The following GRM7 variants were observed in gnomAD, a reference collection of about 807,000 sequenced individuals.
GRM7 encodes glutamate metabotropic receptor 7.
GRM7 carries 35 observed loss-of-function variants against 84.5 expected under a neutral mutation model. The observed-to-expected ratio is 0.41, with a 90% CI of 0.32 to 0.55. The LOEUF (loss-of-function observed/expected upper bound fraction) is 0.55, where lower values mean the gene tolerates loss of function less well. GRM7 is among the 20% of genes least tolerant of loss of function. The pLI is 0.19. For missense variants in GRM7, 1,003 were observed against 1,194.6 expected, an observed-to-expected ratio of 0.84 and a Z score of 2.36; for synonymous variants, 487 against 455.1, an observed-to-expected ratio of 1.07 and a Z score of -0.89.
intron 5 of GRM7, among the ~76,000 whole-genome samples, chr3:7,430,374 G>A (rs6443109): frequency 0.32 from 49,174 of 152,032 alleles, 9,288 homozygotes; most frequent in Non-Finnish European, 0.44. Flanking sequence ...AGGCATACAA[G>A]AAAAATGTTC....
intron 4 of GRM7, among the ~76,000 whole-genome samples, chr3:7,321,417 C>T (rs1357610841): frequency 6.6e-6 from 1 of 151,984 alleles, no homozygotes; most frequent in Non-Finnish European, 1.5e-5. Flanking sequence ...AACCTCTGAC[C>T]AGTCCCAAAA....
At chr3:7,728,212 G>C (rs576137901) in intron 9 of GRM7, among the ~76,000 whole-genome samples, 2 of 152,098 alleles carry the variant, frequency 1.3e-5, no homozygotes, top group African/African-American at 4.8e-5. Flanking sequence ...AGACCGAACC[G>C]GGTCTGGCTG....
intron 1 of GRM7, among the ~76,000 whole-genome samples, chr3:6,893,382 A>G (rs1483522836): frequency 1.3e-5 from 2 of 152,122 alleles, no homozygotes; most frequent in South Asian, 2.1e-4. Context: ...ATATTGCGTT[A>G]CTCTCATATC....
intron 1 of GRM7, among the ~76,000 whole-genome samples, chr3:7,101,386 T>G (rs1042541269): frequency 6.6e-6 from 1 of 151,732 alleles, no homozygotes; most frequent in African/African-American, 2.4e-5. Flanking sequence ...AAGACTTGAT[T>G]GTCGTATATC....
chr3:7,323,661 CA>C lies in GRM7; in HGVS notation c.1033+17015del, dbSNP rs368268304. On this transcript the variant is annotated intron_variant, in intron 4 of 9. Transcript: ENST00000357716. ...TTTTCTTTGAGATATTAGAAAAATA[CA>C]AAAAACTAATTTGCCAAGTCAATGG... 6.9e-3 allele frequency among the ~76,000 whole-genome samples: 1,052 copies of C among 152,234 alleles called. 14 individuals carry two copies. Among genetic ancestry groups the C allele is most frequent in the African/African-American group, 0.024 (999 of 41,554 alleles).
chr3:7,703,555 T>C (rs1701296798), intron 9 of GRM7, among the ~76,000 whole-genome samples: 1 of 152,156 alleles, frequency 6.6e-6, no homozygotes, highest in African/African-American at 2.4e-5. Flanking sequence ...CTTAGGGTTA[T>C]TAAAGATTTT....
intron 4 of GRM7, among the ~76,000 whole-genome samples, chr3:7,307,598 TCCTTTCTGTTATCTGGAGGAGATAAAAA>T (rs1214268509): frequency 1.3e-5 from 2 of 152,220 alleles, no homozygotes; most frequent in Admixed American, 1.3e-4. Context: ...TGTCACTGTT[TCCTTTCTGTTATCTGGAGGAGATAAAAA>T]TCTCATGAGT....
At chr3:7,730,764 T>C (rs1702299862) in intron 9 of GRM7, among the ~76,000 whole-genome samples, 1 of 152,202 alleles carries the variant, frequency 6.6e-6, no homozygotes, top group Admixed American at 6.5e-5. Flanking sequence ...CGATCTTTGA[T>C]GTATGATTGC....
At chr3:7,498,655 A>G (rs1462030672) in intron 7 of GRM7, among the ~76,000 whole-genome samples, 2 of 152,204 alleles carry the variant, frequency 1.3e-5, no homozygotes, top group African/African-American at 4.8e-5. Context: ...CCAGCAGTAG[A>G]TTCTCAGTGT....
intron 5 of GRM7, among the ~76,000 whole-genome samples, chr3:7,434,705 G>A (rs1320983901): frequency 6.6e-6 from 1 of 151,832 alleles, no homozygotes; most frequent in African/African-American, 2.4e-5. Flanking sequence ...ATTTTGCTAA[G>A]GAATATTATA....
chr3:7,356,156 A>C (rs62237106), intron 4 of GRM7, among the ~76,000 whole-genome samples: 25 of 152,190 alleles, frequency 1.6e-4, no homozygotes, highest in Non-Finnish European at 3.2e-4. Flanking sequence ...ATGGTCAGGG[A>C]CTTAGAAGGA....
intron 1 of GRM7, among the ~76,000 whole-genome samples, chr3:7,111,253 T>C (rs1236929227): frequency 6.6e-6 from 1 of 152,092 alleles, no homozygotes; most frequent in Non-Finnish European, 1.5e-5. Context: ...GGATGACACA[T>C]GGCCTCACAT....
intron 4 of GRM7, among the ~76,000 whole-genome samples, chr3:7,328,608 G>T (rs1255948962): frequency 2.6e-5 from 4 of 152,138 alleles, no homozygotes; most frequent in African/African-American, 9.7e-5. Flanking sequence ...ATGCACCTGT[G>T]TATCTGGTAA....
intron 2 of GRM7, among the ~76,000 whole-genome samples, chr3:7,158,247 A>C (rs1028338608): frequency 3.7e-4 from 57 of 152,288 alleles, no homozygotes; most frequent in African/African-American, 1.2e-3. Context: ...AGGCTAACAC[A>C]GAGAAAGAAG....
intron 6 of GRM7, among the ~76,000 whole-genome samples, chr3:7,454,862 G>A (rs1697938477): frequency 6.6e-6 from 1 of 152,088 alleles, no homozygotes; most frequent in Non-Finnish European, 1.5e-5. Flanking sequence ...TGTTCCCTGA[G>A]AGGGCCTGAG....
At chr3:6,957,946 C>G (rs964701648) in intron 1 of GRM7, among the ~76,000 whole-genome samples, 2 of 152,146 alleles carry the variant, frequency 1.3e-5, no homozygotes, top group African/African-American at 4.8e-5. Flanking sequence ...GAATGGCAAA[C>G]AGGAGCTCAC....
intron 2 of GRM7, among the ~76,000 whole-genome samples, chr3:7,249,887 G>A (rs902599751): frequency 2.6e-5 from 4 of 152,182 alleles, no homozygotes; most frequent in African/African-American, 7.2e-5. Flanking sequence ...TCTCAAGTGT[G>A]TTGAGATTGG....
intron 1 of GRM7, among the ~76,000 whole-genome samples, chr3:6,968,619 T>C (rs1693620709): frequency 6.6e-6 from 1 of 152,228 alleles, no homozygotes; most frequent in South Asian, 2.1e-4. Flanking sequence ...ATTATTTTAA[T>C]ATTTTGTTCT....
chr3:7,233,795 T>G (rs909825490), intron 2 of GRM7, among the ~76,000 whole-genome samples: 1 of 152,136 alleles, frequency 6.6e-6, no homozygotes, highest in African/African-American at 2.4e-5. Flanking sequence ...AACCCAATTT[T>G]TGGATCCCCA....
Sources: allele counts gnomAD v4.1 joint callset (sites outside exome capture counted in the v4.1 genomes callset), GRCh38; gene constraint gnomAD v4.1.1; transcripts MANE v1.5; gene names NCBI Gene and HGNC (gene_info 2026-07-23, HGNC 2026-07-21).